FBLN1: variants seen among roughly 807,000 people sequenced by gnomAD.
The protein encoded by FBLN1 is fibulin 1.
FBLN1 carries 34 observed loss-of-function variants against 89.7 expected under a neutral mutation model. That is an observed-to-expected ratio of 0.38 (90% CI 0.29 to 0.50). The LOEUF (loss-of-function observed/expected upper bound fraction) is 0.50, where lower values mean the gene tolerates loss of function less well. FBLN1 is among the 20% of genes least tolerant of loss of function. The pLI, the probability that FBLN1 is intolerant of heterozygous loss-of-function variation, is 0.92. For missense variants in FBLN1, 777 were observed against 988.1 expected (o/e 0.79, Z 2.86); for synonymous variants, 393 against 391.3 (o/e 1.00, Z -0.05).
chr22:45,577,166 C>A lies in FBLN1; in HGVS notation c.1972+58C>A. 6.3e-7 allele frequency: 1 copy of A among 1,594,944 alleles called. No individual in the cohort carries two copies. ...CACCCCTCCCCCTCCACCCCGAAAC[C>A]CTCTCTGGCCCAGCCCAACTCCCAT... On this transcript the variant is annotated intron_variant, in intron 16 of 16. Coordinates refer to ENST00000327858, the MANE Select transcript of FBLN1 (RefSeq NM_006486.3). The surrounding 1 kb of genome is among the most constrained non-coding windows in gnomAD (Gnocchi z 6.6).
rs111609393 is a variant in FBLN1 at position 45,574,383 on chromosome 22, C to T, written c.1698-128C>T. ...AGGCTGCAGAGACCACTGTCGTTCT[C>T]TGATGGAGCTGTCTCTGGGACAGAT... On this transcript the variant is annotated intron_variant, in intron 14 of 16. Coordinates refer to ENST00000327858, the MANE Select transcript of FBLN1 (RefSeq NM_006486.3). The surrounding 1 kb of genome is among the most constrained non-coding windows in gnomAD (Gnocchi z 4.1). 4.0e-6 allele frequency: 4 copies of T among 996,534 alleles called. No homozygotes were observed. The allele number at this position is 996,534 out of a possible 1,614,324, so 61.7% of individuals were successfully genotyped here.
chr22:45,547,386 G>GTTTTT (rs5845717), intron 12 of FBLN1, among the ~76,000 whole-genome samples, 182 bp downstream of exon 12: 9 of 53,676 alleles, frequency 1.7e-4, no homozygotes, highest in African/African-American at 5.1e-4. Context: ...TCCAACTGAG[G>GTTTTT]TTTTTTTTTT....
intron 14 of FBLN1, among the ~76,000 whole-genome samples, chr22:45,559,107 T>G (rs1216627713): frequency 6.6e-6 from 1 of 152,250 alleles, no homozygotes; most frequent in African/African-American, 2.4e-5. Context: ...CCTTGCCAGC[T>G]GAAGACAAAT....
At chr22:45,547,452 A>G (rs545461988) in intron 12 of FBLN1, among the ~76,000 whole-genome samples, 100 of 121,490 alleles carry the variant, frequency 8.2e-4, no homozygotes, top group African/African-American at 3.1e-3. Flanking sequence ...CTGGAGTGAT[A>G]TGGTGCAATC....
In FBLN1 at chr22:45,580,017, A is replaced by AC. The variant is rs1226190040; in HGVS notation, c.1972+2914dup. ...CTCCTTACCGTTGCTGGGCACCTTCACCCCCGCATTCCCCAGTCCTCACAG... is the reference window on the plus strand; with the variant it reads ...CTCCTTACCGTTGCTGGGCACCTTCACCCCCCGCATTCCCCAGTCCTCACAG... On this transcript the variant is annotated intron_variant, in intron 16 of 16. Coordinates refer to ENST00000327858, the MANE Select transcript of FBLN1 (RefSeq NM_006486.3). The surrounding 1 kb of genome is among the most constrained non-coding windows in gnomAD (Gnocchi z 8.6). Among the ~76,000 whole-genome samples, 9 of 151,578 alleles carry AC rather than the reference A, an allele frequency of 5.9e-5. No individual in the cohort carries two copies. Among genetic ancestry groups the AC allele is most frequent in the Admixed American group, 5.3e-4 (8 of 15,206 alleles).
intron 16 of FBLN1, among the ~76,000 whole-genome samples, chr22:45,584,192 A>G (rs1601538859): frequency 6.6e-6 from 1 of 152,144 alleles, no homozygotes; most frequent in South Asian, 2.1e-4. Context: ...TAGGATGAGA[A>G]GCCGGCACAA....
rs977814623 is a variant in FBLN1 at position 45,557,926 on chromosome 22, A to C, written c.1697+7311A>C. The stretch of plus-strand genomic sequence containing the variant: ...AGGTGCATTGCTTGAAGTTCTGCCC[A>C]CTGGGAAGATTTCCCTTTGCCACTG... On this transcript the variant is annotated intron_variant, in intron 14 of 16. Transcript: ENST00000327858. This position sits in a 1 kb window ranked among gnomAD's most constrained non-coding sequence, Gnocchi z 4.9. The C allele has an allele frequency of 1.6e-5, 10 of 628,954 alleles. No individual in the cohort carries two copies. The highest frequency in any genetic ancestry group is 7.3e-5 in the African/African-American group (4 of 54,896). The allele number at this position is 628,954 out of a possible 1,614,324, so 39.0% of individuals were successfully genotyped here. A position where few individuals can be genotyped will look rare whatever the true frequency, so the allele number is the denominator to read the frequency against.
rs879549690 is a variant in FBLN1, at chr22:45,596,090, T to C, written c.1973-4217T>C. Among the ~76,000 whole-genome samples, 61 of 152,296 alleles carry C rather than the reference T, an allele frequency of 4.0e-4. 1 individual carries two copies. The highest frequency in any genetic ancestry group is 2.9e-3 in the South Asian group (14 of 4,828). ...TTCACCGTGTTAGCCAGGATGGTCTTGATCTCCTGACCTTGTGATCCGCCC... is the reference window on the plus strand; with the variant it reads ...TTCACCGTGTTAGCCAGGATGGTCTCGATCTCCTGACCTTGTGATCCGCCC... On this transcript the variant is annotated intron_variant, in intron 16 of 16. Transcript: ENST00000327858.
At position 45,536,712 on chromosome 22, in the gene FBLN1, C is replaced by T. The variant is rs2088486569; in HGVS notation, c.922+1375C>T. Among the ~76,000 whole-genome samples the T allele has an allele frequency of 6.6e-6, 1 of 151,874 alleles. No individual in the cohort carries two copies. ...CCTGGGAGGCAGAGGTTGCAGTGAGCTGAGATCACGCCACTGTACTCCAGC... is the reference window on the plus strand; with the variant it reads ...CCTGGGAGGCAGAGGTTGCAGTGAGTTGAGATCACGCCACTGTACTCCAGC... On this transcript the variant is annotated intron_variant, in intron 8 of 16. Coordinates refer to ENST00000327858, the MANE Select transcript of FBLN1 (RefSeq NM_006486.3). This position sits in a 1 kb window ranked among gnomAD's most constrained non-coding sequence, Gnocchi z 5.1.
chr22:45,546,004 C>A (rs536256321), intron 11 of FBLN1, among the ~76,000 whole-genome samples: 1 of 152,056 alleles, frequency 6.6e-6, no homozygotes, highest in African/African-American at 2.4e-5. Context: ...AAAAATTAGC[C>A]GGGCATGGTG....
At chr22:45,546,473 C>T (rs1483503050) in intron 11 of FBLN1, among the ~76,000 whole-genome samples, 6 of 152,240 alleles carry the variant, frequency 3.9e-5, no homozygotes, top group South Asian at 4.1e-4. Flanking sequence ...CTCGGCCTCC[C>T]GAAGTGCTGG....
chr22:45,549,803 C>T lies in FBLN1; in HGVS notation c.1574-689C>T, dbSNP rs775412531. On this transcript the variant is annotated intron_variant, in intron 13 of 16. Transcript: ENST00000327858. This position sits in a 1 kb window ranked among gnomAD's most constrained non-coding sequence, Gnocchi z 5.7. ...GGGAGTTGGGCTGCTCCCCCATCTC[C>T]AGGGGCCTCTCAGTGTGGTGCCCCA... is the stretch of plus-strand genomic sequence containing the variant. Among the ~76,000 whole-genome samples the T allele has an allele frequency of 5.3e-5, 8 of 152,160 alleles. No homozygotes were observed. Among genetic ancestry groups the T allele is most frequent in the African/African-American group, 9.7e-5 (4 of 41,420 alleles).
chr22:45,564,805 G>A, intron 14 of FBLN1: 9 of 1,552,886 alleles, frequency 5.8e-6, no homozygotes, highest in South Asian at 1.1e-5. Flanking sequence ...GTCTGTTCAG[G>A]GAACAGATGA....
chr22:45,555,499 A>G (rs1433660756), intron 14 of FBLN1, among the ~76,000 whole-genome samples: 3 of 152,044 alleles, frequency 2.0e-5, no homozygotes, highest in African/African-American at 7.3e-5. Context: ...AGGCTAGGCC[A>G]GTCTCTCTTT....
intron 16 of FBLN1, among the ~76,000 whole-genome samples, chr22:45,595,944 A>T (rs2089181349): frequency 6.6e-6 from 1 of 152,210 alleles, no homozygotes; most frequent in South Asian, 2.1e-4. Flanking sequence ...ATCTCAGCTC[A>T]CTACAACCTC....
In FBLN1 at chr22:45,581,629, G is replaced by T. The variant is rs2089042684; in HGVS notation, c.1972+4521G>T. Reference sequence around the variant, plus strand: ...GACCCTTGGGCCTCCCGGGTTGCAGGGAGCTACGGAGTTGTCTTTGTAGTT... The same window carrying T: ...GACCCTTGGGCCTCCCGGGTTGCAGTGAGCTACGGAGTTGTCTTTGTAGTT... On this transcript the variant is annotated intron_variant, in intron 16 of 16. Coordinates refer to ENST00000327858, the MANE Select transcript of FBLN1 (RefSeq NM_006486.3). This position sits in a 1 kb window ranked among gnomAD's most constrained non-coding sequence, Gnocchi z 7.6. Among the ~76,000 whole-genome samples, 1 of 152,072 alleles carries T rather than the reference G, an allele frequency of 6.6e-6. No homozygotes were observed.
At chr22:45,529,420 T>C (rs946645624) in intron 4 of FBLN1, among the ~76,000 whole-genome samples, 1 of 152,232 alleles carries the variant, frequency 6.6e-6, no homozygotes, top group South Asian at 2.1e-4. Context: ...TTTGTGGCTG[T>C]CCAGTAGCCT....
chr22:45,519,325 A>G (rs1227869320), intron 2 of FBLN1, among the ~76,000 whole-genome samples: 2 of 152,140 alleles, frequency 1.3e-5, no homozygotes, highest in East Asian at 3.9e-4. Flanking sequence ...GTAAGCTTAG[A>G]ATAAATAATG....
At chr22:45,520,971 A>T (rs1275200216) in intron 2 of FBLN1, among the ~76,000 whole-genome samples, 3 of 151,894 alleles carry the variant, frequency 2.0e-5, no homozygotes, top group Non-Finnish European at 4.4e-5. Flanking sequence ...ACACACTACC[A>T]CACCAGGCTA....
Sources: gnomAD v4.1 joint callset for allele counts (sites outside exome capture counted in the v4.1 genomes callset) on GRCh38, gnomAD v4.1.1 for gene constraint, Gnocchi (gnomAD v3.1) non-coding constraint, MANE v1.5 for transcripts, NCBI Gene and HGNC (gene_info 2026-07-23, HGNC 2026-07-21) for gene names.